The following AIG1 variants were observed in gnomAD, a reference collection of about 807,000 sequenced individuals.
AIG1 encodes the protein androgen induced 1, also known as androgen-induced gene 1 protein.
AIG1 carries 23 observed loss-of-function variants against 31.4 expected under a neutral mutation model. The observed-to-expected ratio is 0.73, with a 90% CI of 0.53 to 1.04. The LOEUF (loss-of-function observed/expected upper bound fraction) is 1.04, where lower values mean the gene tolerates loss of function less well. AIG1 is among the 50% of genes least tolerant of loss of function. The pLI is 0.00. For synonymous variants in AIG1, 100 were observed against 110.5 expected (o/e 0.90, Z 0.60); for missense variants, 274 against 295.0 (o/e 0.93, Z 0.52).
At chr6:143,165,615 T>G (rs1334726116) in intron 3 of AIG1, among the ~76,000 whole-genome samples, 2 of 152,200 alleles carry the variant, frequency 1.3e-5, no homozygotes, top group Non-Finnish European at 2.9e-5. Context: ...CTGGACAGTT[T>G]CCCTCAGATG....
rs551520307 is a variant in AIG1, at chr6:143,108,588, C to T, written c.142-28247C>T. ...AATCTGGCTCTGGTGTATAAAATTA[C>T]ACTTTTAACTGTATGTGAGGATATT... On this transcript the variant is annotated intron_variant, in intron 1 of 5. Transcript: ENST00000357847. Among the ~76,000 whole-genome samples the T allele has an allele frequency of 2.6e-5, 4 of 152,270 alleles. No individual in the cohort carries two copies. The South Asian group carries it at 8.3e-4, about 32-fold the overall frequency.
chr6:143,235,044 T>A (rs546821349), intron 3 of AIG1, among the ~76,000 whole-genome samples: 31 of 152,312 alleles, frequency 2.0e-4, no homozygotes, highest in African/African-American at 6.7e-4. Flanking sequence ...TATTTATTCA[T>A]TCATTCATCT....
intron 3 of AIG1, among the ~76,000 whole-genome samples, chr6:143,193,641 A>T: frequency 6.6e-6 from 1 of 152,210 alleles, no homozygotes. Context: ...CTGGCTTTAT[A>T]TGTGAACTTC....
At chr6:143,149,532 C>CAAAAAAAAAAAAAAAAA (rs71767812) in intron 2 of AIG1, among the ~76,000 whole-genome samples, 1 of 39,990 alleles carries the variant, frequency 2.5e-5, no homozygotes, top group Non-Finnish European at 5.2e-5. Context: ...GACTCTGTCT[C>CAAAAAAAAAAAAAAAAA]AAAAAAAAAA....
intron 3 of AIG1, among the ~76,000 whole-genome samples, chr6:143,198,316 T>C (rs1790421308): frequency 6.6e-6 from 1 of 152,212 alleles, no homozygotes; most frequent in African/African-American, 2.4e-5. Context: ...CCAGCCAGCC[T>C]TTCTACTTTG....
At chr6:143,254,554 T>C (rs1012536498) in intron 3 of AIG1, among the ~76,000 whole-genome samples, 1 of 152,158 alleles carries the variant, frequency 6.6e-6, no homozygotes, top group Non-Finnish European at 1.5e-5. Context: ...TTTTGTTTTG[T>C]TTTTAGATAT....
chr6:143,266,030 C>T (rs765562914), intron 3 of AIG1, among the ~76,000 whole-genome samples: 17 of 152,236 alleles, frequency 1.1e-4, no homozygotes, highest in East Asian at 3.9e-4. Flanking sequence ...GTTTCACAGG[C>T]GATGATTTGA....
At chr6:143,160,606 T>C (rs4895601) in intron 2 of AIG1, among the ~76,000 whole-genome samples, 88,531 of 152,064 alleles carry the variant, frequency 0.58, 26,810 homozygotes, top group African/African-American at 0.75. Flanking sequence ...CCAGAGAAGG[T>C]GCTTCTTCAC....
intron 3 of AIG1, among the ~76,000 whole-genome samples, chr6:143,246,836 A>G (rs534015122): frequency 2.0e-5 from 3 of 152,308 alleles, no homozygotes; most frequent in Non-Finnish European, 2.9e-5. Flanking sequence ...TTTCACACCA[A>G]TTGCTAGTTC....
At position 143,321,110 on chromosome 6, in the gene AIG1, G is replaced by A. The variant is rs1011372899; in HGVS notation, c.516-12172G>A. ...GCTGGGATTACAGGCGTGAGCCACT[G>A]CACCCGGCCGTGAGTAGATCTTATG... is the stretch of plus-strand genomic sequence containing the variant. On this transcript the variant is annotated intron_variant, in intron 4 of 5. Transcript: ENST00000357847. Among the ~76,000 whole-genome samples the A allele has an allele frequency of 2.0e-5, 3 of 151,728 alleles. No homozygotes were observed. In the East Asian group the frequency reaches 5.9e-4, roughly 30 times the overall value.
rs539561644 is a variant in AIG1, at chr6:143,241,983, C to T, written c.400-42127C>T. On this transcript the variant is annotated intron_variant, in intron 3 of 5. Transcript: ENST00000357847. ...AAGATATTAGGTGTATGTAAATATT[C>T]CAAAATTCAAACTGCTTATGGTCCC... 9.9e-5 allele frequency among the ~76,000 whole-genome samples: 15 copies of T among 152,174 alleles called. No individual in the cohort carries two copies. In the South Asian group the frequency reaches 2.9e-3, roughly 29 times the overall value.
intron 3 of AIG1, among the ~76,000 whole-genome samples, chr6:143,262,187 C>G (rs935215128): frequency 1.3e-5 from 2 of 152,158 alleles, no homozygotes; most frequent in African/African-American, 4.8e-5. Flanking sequence ...TATATTAAAA[C>G]CACTTGTAAA....
At chr6:143,336,777 C>T (rs1208498135) in intron 5 of AIG1, among the ~76,000 whole-genome samples, 1 of 152,200 alleles carries the variant, frequency 6.6e-6, no homozygotes, top group African/African-American at 2.4e-5. Flanking sequence ...GCGTGACACT[C>T]AGGGTATGAG....
intron 1 of AIG1, among the ~76,000 whole-genome samples, chr6:143,128,797 A>G (rs1782927955): frequency 6.6e-6 from 1 of 152,250 alleles, no homozygotes; most frequent in Admixed American, 6.5e-5. Flanking sequence ...ATAAACTGAC[A>G]GAAACCTCAA....
chr6:143,274,574 C>T (rs1796760559), intron 3 of AIG1, among the ~76,000 whole-genome samples: 1 of 152,148 alleles, frequency 6.6e-6, no homozygotes, highest in African/African-American at 2.4e-5. Context: ...AGGTGAGAGA[C>T]TTTAAATTTT....
In AIG1 at chr6:143,325,461, A is replaced by G. The variant is rs1776533134; in HGVS notation, c.516-7821A>G. On this transcript the variant is annotated intron_variant, in intron 4 of 5. Coordinates refer to ENST00000357847, the MANE Select transcript of AIG1 (RefSeq NM_016108.4). The surrounding 1 kb of genome is among the most constrained non-coding windows in gnomAD (Gnocchi z 4.3). ...AACTGACTGCCTTCAGAACATCTCC[A>G]CTTGGATATTTTACAGGTACCTCAA... Among the ~76,000 whole-genome samples, 1 of 152,050 alleles carries G rather than the reference A, an allele frequency of 6.6e-6. No homozygotes were observed. The highest frequency in any genetic ancestry group is 1.5e-5 in the Non-Finnish European group (1 of 68,002).
intron 3 of AIG1, among the ~76,000 whole-genome samples, chr6:143,225,395 C>T (rs897952474): frequency 2.6e-5 from 4 of 152,174 alleles, no homozygotes; most frequent in Non-Finnish European, 5.9e-5. Flanking sequence ...TCAGAAAATG[C>T]TTGTTGAACA....
At chr6:143,294,877 G>T (rs1798314979) in intron 4 of AIG1, among the ~76,000 whole-genome samples, 1 of 152,036 alleles carries the variant, frequency 6.6e-6, no homozygotes, top group Non-Finnish European at 1.5e-5. Context: ...AAACCTCAGT[G>T]TTGGAATTCT....
intron 1 of AIG1, among the ~76,000 whole-genome samples, chr6:143,079,035 A>G (rs1401830121): frequency 6.6e-6 from 1 of 152,144 alleles, no homozygotes; most frequent in Non-Finnish European, 1.5e-5. Flanking sequence ...TTATGATGTC[A>G]TGCGGTTCAC....
Sources: allele counts gnomAD v4.1 joint callset (sites outside exome capture counted in the v4.1 genomes callset), GRCh38; gene constraint gnomAD v4.1.1; non-coding constraint Gnocchi (gnomAD v3.1); transcripts MANE v1.5; gene names NCBI Gene and HGNC (gene_info 2026-07-23, HGNC 2026-07-21).